Variants in LIPA observed in about 807,000 individuals in gnomAD.
LIPA encodes lipase A, lysosomal acid type.
In LIPA, 26 loss-of-function variants were observed where a neutral mutation model predicts 40.6. The observed-to-expected ratio is 0.64, with a 90% CI of 0.47 to 0.89. The LOEUF (loss-of-function observed/expected upper bound fraction) is 0.89. Ranked by LOEUF, LIPA falls within the 40% of genes least tolerant of loss-of-function variation. The pLI is 0.00. For missense variants in LIPA, 455 were observed against 479.6 expected, an observed-to-expected ratio of 0.95 and a Z score of 0.48; for synonymous variants, 188 against 168.4, an observed-to-expected ratio of 1.12 and a Z score of -0.90.
In LIPA at chr10:89,320,534, C is replaced by G. The variant is rs886222373; in HGVS notation, c.-2+22077G>C. 4.6e-5 allele frequency among the ~76,000 whole-genome samples: 7 copies of G among 151,714 alleles called. No homozygotes were observed. The South Asian group carries it at 8.3e-4, about 18-fold the overall frequency. ...AAGGGATGTGAAGGACCTCTTCAAG[C>G]AGAACTACAAACCACTGCTCAATGA... On this transcript the variant is annotated intron_variant, in intron 1 of 5. Transcript: ENST00000282673.
At chr10:89,393,755 C>T (rs553274403) in intron 2 of LIPA, among the ~76,000 whole-genome samples, 2 of 152,082 alleles carry the variant, frequency 1.3e-5, no homozygotes, top group Non-Finnish European at 2.9e-5. Context: ...AACAAAAAAT[C>T]CATTACTTAA....
intron 1 of LIPA, among the ~76,000 whole-genome samples, chr10:89,269,416 A>G (rs1358776831): frequency 1.3e-5 from 2 of 152,228 alleles, no homozygotes; most frequent in African/African-American, 4.8e-5. Context: ...ATCATGTCCT[A>G]GAAACAAAAC....
chr10:89,312,100 C>T (rs1843519739), intron 1 of LIPA, among the ~76,000 whole-genome samples: 1 of 152,128 alleles, frequency 6.6e-6, no homozygotes, highest in African/African-American at 2.4e-5. Flanking sequence ...CGTCTCTGTG[C>T]ATGAAGTGGA....
At position 89,332,521 on chromosome 10, in the gene LIPA, C is replaced by T. The variant is rs73368528; in HGVS notation, c.-2+10090G>A. On this transcript the variant is annotated intron_variant, in intron 1 of 5. Coordinates refer to the LIPA transcript ENST00000282673. ...TTTCATAAAAGCACAGACCTAACAG[C>T]ACCCTGGGTGGAAACCTCTTCAGCA... The T allele has an allele frequency of 0.017, 26,607 of 1,609,354 alleles. 1,344 individuals carry two copies. The African/African-American group carries it at 0.18, about 11-fold the overall frequency.
chr10:89,303,540 A>G (rs1297476049), intron 1 of LIPA, among the ~76,000 whole-genome samples: 1 of 152,232 alleles, frequency 6.6e-6, no homozygotes, highest in Non-Finnish European at 1.5e-5. Context: ...AGTGTCTGGC[A>G]TCAGCTTCTC....
intron 1 of LIPA, among the ~76,000 whole-genome samples, chr10:89,286,293 C>A (rs765647954): frequency 6.6e-6 from 1 of 152,054 alleles, no homozygotes; most frequent in Non-Finnish European, 1.5e-5. Flanking sequence ...TCTTTCCAAT[C>A]TTCCTTTTCT....
chr10:89,384,159 C>T, intron 2 of LIPA: 1 of 1,614,172 alleles, frequency 6.2e-7, no homozygotes, highest in Non-Finnish European at 8.5e-7. Flanking sequence ...AGACAACACC[C>T]ACTTCTGCCT....
intron 1 of LIPA, among the ~76,000 whole-genome samples, chr10:89,321,414 T>C (rs923672429): frequency 6.6e-6 from 1 of 152,180 alleles, no homozygotes; most frequent in Admixed American, 6.5e-5. Context: ...GCAAAGGCTA[T>C]GAATGGACAC....
chr10:89,216,296 C>T lies in LIPA; in HGVS notation c.895-287G>A, dbSNP rs796487526. Among the ~76,000 whole-genome samples the T allele has an allele frequency of 3.0e-4, 46 of 151,672 alleles. 1 individual carries two copies. The highest frequency in any genetic ancestry group is 2.2e-3 in the Admixed American group (34 of 15,184). On this transcript the variant is annotated intron_variant, in intron 8 of 9. Coordinates refer to ENST00000336233, the MANE Select transcript of LIPA (RefSeq NM_000235.4). ...CTAGATCAACAGTTGCTCCTGCTAG[C>T]GGAACTTTATGCTGACATTTTCTGC...
At position 89,223,724 on chromosome 10, in the gene LIPA, C is replaced by T; in HGVS notation, c.782G>A (p.Cys261Tyr). The T allele has an allele frequency of 6.2e-7, 1 of 1,613,394 alleles. No individual in the cohort carries two copies. Among genetic ancestry groups the T allele is most frequent in the Non-Finnish European group, 8.5e-7 (1 of 1,179,464 alleles). Residue 261 changes from cysteine (C) to tyrosine (Y), a missense_variant, in exon 7 of 10, where the codon TGT becomes TAT. Transcript: ENST00000336233. ...VILKELCGNL[C>Y]FLLCGFNERN... is the part of the protein sequence containing the mutation. The stretch of plus-strand genomic sequence containing the variant: ...CTCATTAAATCCACACAGAAGAAAA[C>T]AGAGATTTCCACAGAGCTCCTTCAG...
chr10:89,352,365 A>T (rs1010585395), intron 2 of LIPA, among the ~76,000 whole-genome samples: 1 of 152,184 alleles, frequency 6.6e-6, no homozygotes, highest in Non-Finnish European at 1.5e-5. Flanking sequence ...GATCACGCTA[A>T]CACCACCATT....
In LIPA at chr10:89,225,116, T is replaced by A; in HGVS notation, c.651A>T (p.Gly217=). The change falls in exon 6 of 10, where the codon GGA becomes GGT. Residue 217 remains glycine, a synonymous_variant. Coordinates refer to ENST00000336233, the MANE Select transcript of LIPA (RefSeq NM_000235.4). ...AFCTSPMAKL[G]RLPDHLIKDL... ...CCTTAATGAGATGATCTGGTAATCG[T>A]CCTAATTTGGCCATAGGGCTAGTAC... The A allele has an allele frequency of 1.2e-6, 2 of 1,614,116 alleles. No homozygotes were observed. Among genetic ancestry groups the A allele is most frequent in the Non-Finnish European group, 1.7e-6 (2 of 1,180,024 alleles).
rs201898154 is a variant in LIPA at position 89,225,234 on chromosome 10, A to G, written c.539-6T>C. 1.0e-4 allele frequency: 165 copies of G among 1,614,128 alleles called. 2 individuals carry two copies. In the East Asian group the frequency reaches 3.6e-3, roughly 36 times the overall value. On this transcript the variant is annotated splice_polypyrimidine_tract_variant and splice_region_variant and intron_variant, in intron 5 of 9. Coordinates refer to ENST00000336233, the MANE Select transcript of LIPA (RefSeq NM_000235.4). ...CTGTGAAAATGCTATAAAACCTGTGAGAACAAAGGACAGAAAACAGGAATT... is the reference window on the plus strand; with the variant it reads ...CTGTGAAAATGCTATAAAACCTGTGGGAACAAAGGACAGAAAACAGGAATT...
At chr10:89,354,640 T>A (rs1022783328) in intron 2 of LIPA, among the ~76,000 whole-genome samples, 1 of 152,202 alleles carries the variant, frequency 6.6e-6, no homozygotes, top group Non-Finnish European at 1.5e-5. Context: ...CAATCTCGGC[T>A]CAATGCAACC....
chr10:89,407,703 C>T (rs1379945296), intron 2 of LIPA, among the ~76,000 whole-genome samples: 2 of 152,158 alleles, frequency 1.3e-5, no homozygotes, highest in Non-Finnish European at 2.9e-5. Context: ...CAGGTAAGGT[C>T]CCAATACCAA....
chr10:89,262,795 T>C (rs997243451), intron 1 of LIPA, among the ~76,000 whole-genome samples: 5 of 152,254 alleles, frequency 3.3e-5, no homozygotes, highest in Non-Finnish European at 7.3e-5. Flanking sequence ...ATTTTTCATA[T>C]TTGTAGTAAA....
upstream of LIPA, among the ~76,000 whole-genome samples, chr10:89,253,698 T>A (rs1843164516): frequency 6.6e-6 from 1 of 152,178 alleles, no homozygotes; most frequent in African/African-American, 2.4e-5. Context: ...TAGTCCAAAG[T>A]CTCACCTGAG....
At chr10:89,250,103 C>CTTTTTTTTTTTTTTTT (rs1564767193) in intron 1 of LIPA, among the ~76,000 whole-genome samples, 9 of 94,044 alleles carry the variant, frequency 9.6e-5, no homozygotes, top group Admixed American at 1.1e-4. Flanking sequence ...CTTTTCTTTT[C>CTTTTTTTTTTTTTTTT]TTTCTTTTTT....
chr10:89,301,704 G>T (rs898719672), intron 1 of LIPA, among the ~76,000 whole-genome samples: 6 of 152,168 alleles, frequency 3.9e-5, no homozygotes, highest in African/African-American at 1.4e-4. Context: ...CTGCTGAAAA[G>T]AACCCTTTTG....
Sources: gnomAD v4.1 joint callset for allele counts (sites outside exome capture counted in the v4.1 genomes callset) on GRCh38, gnomAD v4.1.1 for gene constraint, MANE v1.5 for transcripts, NCBI Gene and HGNC (gene_info 2026-07-23, HGNC 2026-07-21) for gene names.